Variants in SIRPB1 observed in about 807,000 individuals in gnomAD.
SIRPB1 encodes signal-regulatory protein beta-1.
In SIRPB1, 28 loss-of-function variants were observed where a neutral mutation model predicts 34.1. The observed-to-expected ratio is 0.82, with a 90% CI of 0.61 to 1.12. SIRPB1 has a LOEUF of 1.12. Ranked by LOEUF, SIRPB1 falls within the 50% of genes most tolerant of loss-of-function variation. The pLI, the probability that SIRPB1 is intolerant of heterozygous loss-of-function variation, is 0.00. For synonymous variants in SIRPB1, 211 were observed against 203.8 expected (o/e 1.04, Z -0.30); for missense variants, 499 against 507.0 (o/e 0.98, Z 0.15).
intron 3 of SIRPB1, 139 bp downstream of exon 3, chr20:1,571,581 C>A: frequency 8.0e-7 from 1 of 1,246,920 alleles, no homozygotes; most frequent in Non-Finnish European, 1.1e-6. Context: ...TAGTAAGTGA[C>A]CGGCTCACCT....
Position 1,564,790 on chromosome 20 carries a change from A to G in SIRPB1, c.*710T>C. The G allele has an allele frequency of 2.5e-6, 1 of 397,700 alleles. No individual in the cohort carries two copies. Among genetic ancestry groups the G allele is most frequent in the Non-Finnish European group, 4.4e-6 (1 of 225,922 alleles). 24.6% of individuals were successfully genotyped at this position (397,700 alleles called of 1,614,324 possible). On this transcript the variant is annotated 3_prime_UTR_variant, in exon 6 of 6. Transcript: ENST00000381605. ...AAACAGCTTTTGGTTTTTCCCTTTC[A>G]GAAAGTCCATTGTTAAACATTTACC...
chr20:1,570,950 G>A lies in SIRPB1; in HGVS notation c.939C>T (p.Ser313=). ...GGGCACAGGTGTTCACCAGGAGCCA[G>A]CTCATCCAGTTGTAGGTGCCATCCT... ...ENKDGTYNWM[S]WLLVNTCAHR... The change falls in exon 4 of 6, where the codon AGC becomes AGT. Residue 313 remains serine, a synonymous_variant. Coordinates refer to ENST00000381605, the MANE Select transcript of SIRPB1 (RefSeq NM_006065.5). 1 of 1,614,190 alleles carries A rather than the reference G, an allele frequency of 6.2e-7. No homozygotes were observed. The highest frequency in any genetic ancestry group is 8.5e-7 in the Non-Finnish European group (1 of 1,180,032).
chr20:1,569,717 A>G (rs2091197116), intron 4 of SIRPB1, among the ~76,000 whole-genome samples: 1 of 152,250 alleles, frequency 6.6e-6, no homozygotes, highest in African/African-American at 2.4e-5. Flanking sequence ...GGCCCCAGCC[A>G]TCATTAGAAG....
At position 1,603,360 on chromosome 20, in the gene SIRPB1, G is replaced by A. The variant is rs375416436; in HGVS notation, c.76+16509C>T. Among the ~76,000 whole-genome samples, 161 of 49,664 alleles carry A rather than the reference G, an allele frequency of 3.2e-3. 72 individuals carry two copies. The South Asian group carries it at 0.098, about 30-fold the overall frequency. The allele number at this position is 49,664 out of a possible 152,430, so 32.6% of individuals were successfully genotyped here. On this transcript the variant is annotated intron_variant, in intron 1 of 5. Coordinates refer to ENST00000381605, the MANE Select transcript of SIRPB1 (RefSeq NM_006065.5). ...TGACCACTCATGGTCACCTGGGGGC[G>A]TGGTCCAGGCTTAAACTCCACATGT...
chr20:1,617,996 T>C (rs976775563), intron 1 of SIRPB1, among the ~76,000 whole-genome samples: 8 of 151,914 alleles, frequency 5.3e-5, no homozygotes, highest in South Asian at 2.1e-4. Flanking sequence ...TATGTATATA[T>C]ACACACACAC....
At chr20:1,614,546 G>A (rs1370728811) in intron 1 of SIRPB1, among the ~76,000 whole-genome samples, 2 of 151,746 alleles carry the variant, frequency 1.3e-5, no homozygotes, top group African/African-American at 4.8e-5. Context: ...CACTTGCCCA[G>A]GGATCCCATC....
At position 1,563,683 on chromosome 20, in the gene SIRPB1, T is replaced by C. The variant is rs1751971000; in HGVS notation, c.*1817A>G. ...GGAGGCCTCAGGAAACTTACAACCATGGTGGAAGGAGAAAAGGAAGCAGGC... is the reference window on the plus strand; with the variant it reads ...GGAGGCCTCAGGAAACTTACAACCACGGTGGAAGGAGAAAAGGAAGCAGGC... On this transcript the variant is annotated 3_prime_UTR_variant, in exon 6 of 6. Coordinates refer to ENST00000381605, the MANE Select transcript of SIRPB1 (RefSeq NM_006065.5). 6.6e-6 allele frequency: 1 copy of C among 151,738 alleles called. No homozygotes were observed. The highest frequency in any genetic ancestry group is 2.4e-5 in the African/African-American group (1 of 41,236). The allele number at this position is 151,738 out of a possible 1,614,324, so 9.4% of individuals were successfully genotyped here. A position where few individuals can be genotyped will look rare whatever the true frequency, so the allele number is the denominator to read the frequency against.
intron 1 of SIRPB1, among the ~76,000 whole-genome samples, chr20:1,619,053 G>C (rs2091670961): frequency 6.6e-6 from 1 of 152,168 alleles, no homozygotes; most frequent in African/African-American, 2.4e-5. Context: ...TGAGGACACA[G>C]ACACACACAG....
intron 1 of SIRPB1, among the ~76,000 whole-genome samples, chr20:1,617,324 T>C (rs974812137): frequency 6.6e-6 from 1 of 152,074 alleles, no homozygotes; most frequent in Admixed American, 6.5e-5. Flanking sequence ...AGAAAGGAAA[T>C]TGGTATACAC....
Position 1,617,996 on chromosome 20 carries a change from TAC to T in SIRPB1, c.76+1871_76+1872del, listed in dbSNP as rs202130637. The stretch of plus-strand genomic sequence containing the variant: ...ATATACACACACATATATGTATATA[TAC>T]ACACACACACATATATATGTATATA... On this transcript the variant is annotated intron_variant, in intron 1 of 5. Transcript: ENST00000381605. 5.9e-3 allele frequency among the ~76,000 whole-genome samples: 902 copies of T among 152,028 alleles called. 4 individuals are homozygous for T. The highest frequency in any genetic ancestry group is 0.02 in the African/African-American group (812 of 41,474).
At chr20:1,614,726 C>G (rs2091605983) in intron 1 of SIRPB1, among the ~76,000 whole-genome samples, 1 of 151,992 alleles carries the variant, frequency 6.6e-6, no homozygotes. Flanking sequence ...CAGCAGGAAT[C>G]ACTCTAACAT....
chr20:1,578,018 T>A (rs990669121), intron 2 of SIRPB1: 2 of 401,642 alleles, frequency 5.0e-6, no homozygotes, highest in African/African-American at 4.1e-5. Flanking sequence ...TCCAGCCCTG[T>A]GCCTGGACAA....
Position 1,570,955 on chromosome 20 carries a change from TCCAGTTGTAGGTG to T in SIRPB1, c.921_933del (p.Thr308Ter), listed in dbSNP as rs772706328. On this transcript the variant is annotated frameshift_variant, in exon 4 of 6. Coordinates refer to ENST00000381605, the MANE Select transcript of SIRPB1 (RefSeq NM_006065.5). LOFTEE classifies it high-confidence loss of function. Reference sequence around the variant, plus strand: ...CAGGTGTTCACCAGGAGCCAGCTCATCCAGTTGTAGGTGCCATCCTTGTTCTCTATGAGGGTCG... The same window carrying T: ...CAGGTGTTCACCAGGAGCCAGCTCATCCATCCTTGTTCTCTATGAGGGTCG... 275 of 1,614,118 alleles carry T rather than the reference TCCAGTTGTAGGTG, an allele frequency of 1.7e-4. 2 individuals are homozygous for T. In the South Asian group the frequency reaches 2.0e-3, roughly 12 times the overall value.
chr20:1,579,070 G>A (rs2091364821), intron 1 of SIRPB1, among the ~76,000 whole-genome samples: 1 of 147,676 alleles, frequency 6.8e-6, no homozygotes, highest in Non-Finnish European at 1.5e-5. Context: ...TTTCTCCTTG[G>A]CCTGCCAAGT....
intron 1 of SIRPB1, among the ~76,000 whole-genome samples, chr20:1,617,253 A>G (rs2091643274): frequency 6.6e-6 from 1 of 152,240 alleles, no homozygotes; most frequent in South Asian, 2.1e-4. Flanking sequence ...TGTCCATTGC[A>G]GCATTATTTA....
chr20:1,569,314 T>A (rs1448490293), intron 4 of SIRPB1, among the ~76,000 whole-genome samples: 1 of 152,252 alleles, frequency 6.6e-6, no homozygotes, highest in African/African-American at 2.4e-5. Flanking sequence ...TGGTAAAATG[T>A]GAATGTATGC....
At chr20:1,614,920 T>C (rs2091608458) in intron 1 of SIRPB1, among the ~76,000 whole-genome samples, 1 of 152,102 alleles carries the variant, frequency 6.6e-6, no homozygotes, top group African/African-American at 2.4e-5. Flanking sequence ...CCTTTTGGAG[T>C]GCTGCCATGG....
chr20:1,610,104 T>C lies in SIRPB1; in HGVS notation c.76+9765A>G, dbSNP rs547779650. Among the ~76,000 whole-genome samples the C allele has an allele frequency of 2.7e-5, 2 of 72,948 alleles. 1 individual carries two copies. Among genetic ancestry groups the C allele is most frequent in the South Asian group, 1.2e-3 (2 of 1,734 alleles). 47.9% of individuals were successfully genotyped at this position (72,948 alleles called of 152,430 possible). ...TCTATGTCCTGACGTGGAATCTCGA[T>C]ATGGAATGACAGGGCTTACATTTGG... is the stretch of plus-strand genomic sequence containing the variant. On this transcript the variant is annotated intron_variant, in intron 1 of 5. Coordinates refer to ENST00000381605, the MANE Select transcript of SIRPB1 (RefSeq NM_006065.5).
intron 4 of SIRPB1, among the ~76,000 whole-genome samples, chr20:1,567,869 C>G (rs969327201): frequency 1.4e-4 from 22 of 152,172 alleles, no homozygotes; most frequent in Admixed American, 2.0e-4. Context: ...AGCTGGAAGC[C>G]AGAGGACTTC....
Sources: gnomAD v4.1 joint callset for allele counts (sites outside exome capture counted in the v4.1 genomes callset) on GRCh38, gnomAD v4.1.1 for gene constraint, MANE v1.5 for transcripts, NCBI Gene and HGNC (gene_info 2026-07-23, HGNC 2026-07-21) for gene names.